MID1: variants seen among roughly 807,000 people sequenced by gnomAD.
The protein encoded by MID1 is E3 ubiquitin-protein ligase Midline-1.
A neutral mutation model predicts 40.4 loss-of-function variants in MID1; 7 were observed. That is an observed-to-expected ratio of 0.17 (90% CI 0.10 to 0.33). The LOEUF is 0.33. Ranked by LOEUF, MID1 falls within the 10% of genes least tolerant of loss-of-function variation. The probability of loss-of-function intolerance (pLI) is 1.00; values close to 1 mark genes in which losing one functional copy is unlikely to be tolerated. For synonymous variants in MID1, 229 were observed against 221.2 expected (o/e 1.04, Z -0.31); for missense variants, 367 against 558.5 (o/e 0.66, Z 3.46).
intron 5 of MID1, among the ~76,000 whole-genome samples, chrX:10,475,583 G>C (rs905370239): frequency 8.9e-6 from 1 of 112,083 alleles, no homozygotes; most frequent in Non-Finnish European, 1.9e-5. Context: ...TTAAAAACAA[G>C]AGAATTGTGG....
At chrX:10,498,343 G>T (rs917160718) in intron 3 of MID1, among the ~76,000 whole-genome samples, 1 of 112,221 alleles carries the variant, frequency 8.9e-6, no homozygotes, top group Non-Finnish European at 1.9e-5. Context: ...AAACTCCCGG[G>T]CTCAAGTGGT....
At chrX:10,807,803 A>G (rs943801853) in intron 1 of MID1, among the ~76,000 whole-genome samples, 1 of 112,265 alleles carries the variant, frequency 8.9e-6, no homozygotes, top group Non-Finnish European at 1.9e-5. Flanking sequence ...ATACCTTAAC[A>G]TAATCATGGG....
At position 10,474,544 on chromosome X, in the gene MID1, T is replaced by C; in HGVS notation, c.1141+79A>G. On this transcript the variant is annotated intron_variant, in intron 6 of 9. Transcript: ENST00000317552. Reference sequence around the variant, plus strand: ...GTCAAAAGCCCATTCCTCTGGTTATTGGGGAATAACTGATCTGGTGGCAAA... The same window carrying C: ...GTCAAAAGCCCATTCCTCTGGTTATCGGGGAATAACTGATCTGGTGGCAAA... 4 of 1,036,668 alleles carry C rather than the reference T, an allele frequency of 3.9e-6. No individual in the cohort carries two copies. In the South Asian group the frequency reaches 5.7e-5, roughly 15 times the overall value. The allele number at this position is 1,036,668 out of a possible 1,213,427, so 85.4% of individuals were successfully genotyped here.
intron 1 of MID1, among the ~76,000 whole-genome samples, chrX:10,568,717 A>C (rs1430284077): frequency 9.0e-6 from 1 of 111,002 alleles, no homozygotes; most frequent in Non-Finnish European, 1.9e-5. Flanking sequence ...TGCCATAAAG[A>C]CCTGAGTGCT....
intron 1 of MID1, among the ~76,000 whole-genome samples, chrX:10,826,424 T>A (rs1338949215): frequency 8.9e-6 from 1 of 112,266 alleles, no homozygotes; most frequent in African/African-American, 3.2e-5. Flanking sequence ...GCAAAAGTAA[T>A]CATGGTTTTT....
At chrX:10,634,816 T>A (rs1352418304) in intron 1 of MID1, among the ~76,000 whole-genome samples, 1 of 112,201 alleles carries the variant, frequency 8.9e-6, no homozygotes, top group Non-Finnish European at 1.9e-5. Context: ...CTGTTCTTGG[T>A]GTGTTTAATA....
intron 1 of MID1, among the ~76,000 whole-genome samples, chrX:10,637,041 C>T (rs1936126658): frequency 9.4e-6 from 1 of 106,087 alleles, no homozygotes; most frequent in East Asian, 2.9e-4. Flanking sequence ...CCCCATTGAA[C>T]CATCTCATCT....
At chrX:10,549,014 CT>C (rs1475464016) in intron 2 of MID1, among the ~76,000 whole-genome samples, 3 of 111,331 alleles carry the variant, frequency 2.7e-5, no homozygotes, top group Non-Finnish European at 5.7e-5. Flanking sequence ...TTCTTGCTTG[CT>C]TTGGTGGTCT....
At chrX:10,476,404 C>T (rs1344882817) in intron 5 of MID1, among the ~76,000 whole-genome samples, 3 of 110,417 alleles carry the variant, frequency 2.7e-5, no homozygotes, top group South Asian at 3.9e-4. Context: ...TGGGCCCAAG[C>T]GATCACCCTT....
At chrX:10,745,521 C>A (rs2043551535) in intron 1 of MID1, among the ~76,000 whole-genome samples, 1 of 112,390 alleles carries the variant, frequency 8.9e-6, no homozygotes, top group Admixed American at 9.4e-5. Flanking sequence ...TCCAAATGGC[C>A]TCATTCTTAG....
At chrX:10,706,799 T>C (rs1478610095) in intron 1 of MID1, among the ~76,000 whole-genome samples, 1 of 111,954 alleles carries the variant, frequency 8.9e-6, no homozygotes, top group Non-Finnish European at 1.9e-5. Flanking sequence ...ATTATTTTAT[T>C]GAAAACGTTC....
At chrX:10,539,325 C>G (rs1295294675) in intron 2 of MID1, among the ~76,000 whole-genome samples, 1 of 111,914 alleles carries the variant, frequency 8.9e-6, no homozygotes, top group Non-Finnish European at 1.9e-5. Context: ...AGACAGATGA[C>G]TTAATAATGA....
In MID1 at chrX:10,636,785, G is replaced by GACATATATAT. The variant is rs757390504; in HGVS notation, c.-186-16367_-186-16366insATATATATGT. Among the ~76,000 whole-genome samples the GACATATATAT allele has an allele frequency of 1.3e-3, 56 of 42,718 alleles. 1 individual carries two copies. Among genetic ancestry groups the GACATATATAT allele is most frequent in the Non-Finnish European group, 4.4e-4 (11 of 24,759 alleles). 37.1% of individuals were successfully genotyped at this position (42,718 alleles called of 115,157 possible). ...CAAACTGGGCCATTCCAACAATGGG[G>GACATATATAT]ATATATATATATATATATATATATA... On this transcript the variant is annotated intron_variant, in intron 1 of 10. Coordinates refer to the MID1 transcript ENST00000380785.
chrX:10,814,542 A>G (rs1466545529), intron 1 of MID1, among the ~76,000 whole-genome samples: 1 of 108,561 alleles, frequency 9.2e-6, no homozygotes, highest in East Asian at 2.9e-4. Flanking sequence ...TAATCTACCA[A>G]TTTTGTCCAG....
At chrX:10,624,252 G>A (rs1039596844), upstream of MID1, among the ~76,000 whole-genome samples, 5 of 111,699 alleles carry the variant, frequency 4.5e-5, no homozygotes, top group African/African-American at 1.6e-4. Flanking sequence ...TGCACAGCTT[G>A]AATAAATTCA....
intron 2 of MID1, among the ~76,000 whole-genome samples, chrX:10,562,712 T>G (rs1934392102): frequency 9.4e-6 from 1 of 106,253 alleles, no homozygotes; most frequent in African/African-American, 3.8e-5. Flanking sequence ...TTGACTTGTA[T>G]CCATCTACCA....
intron 1 of MID1, among the ~76,000 whole-genome samples, chrX:10,639,472 T>C (rs1209094526): frequency 9.1e-6 from 1 of 109,852 alleles, no homozygotes; most frequent in Non-Finnish European, 1.9e-5. Flanking sequence ...GAAAAAAGAG[T>C]AAAAAGAAAT....
intron 1 of MID1, among the ~76,000 whole-genome samples, chrX:10,666,750 A>G (rs1184550026): frequency 8.9e-6 from 1 of 111,922 alleles, no homozygotes; most frequent in East Asian, 2.8e-4. Context: ...GAAAAATCCA[A>G]CCTGAAGAAG....
chrX:10,649,686 T>G (rs183121041), intron 1 of MID1, among the ~76,000 whole-genome samples: 48 of 111,879 alleles, frequency 4.3e-4, no homozygotes, highest in Admixed American at 3.5e-3. Context: ...TAGCTACCAT[T>G]ATAATTTTTA....
Sources: gnomAD v4.1 joint callset for allele counts (sites outside exome capture counted in the v4.1 genomes callset) on GRCh38, gnomAD v4.1.1 for gene constraint, MANE v1.5 for transcripts, NCBI Gene and HGNC (gene_info 2026-07-23, HGNC 2026-07-21) for gene names.